The following FASN variants were observed in gnomAD, a reference collection of about 807,000 sequenced individuals.
The protein encoded by FASN is fatty acid synthase, also known as 3-hydroxyacyl-[acyl-carrier-protein] dehydratase.
In FASN, 50 loss-of-function variants were observed where a neutral mutation model predicts 250.0. That is an observed-to-expected ratio of 0.20 (90% CI 0.16 to 0.25). The LOEUF (loss-of-function observed/expected upper bound fraction) is 0.25. Among genes scored for constraint, FASN ranks in the 10% least tolerant of loss-of-function variants. The pLI is 1.00. For synonymous variants in FASN, 1,909 were observed against 1,584.0 expected (o/e 1.21, Z -4.87); for missense variants, 3,031 against 3,498.5 (o/e 0.87, Z 3.37).
At chr17:82,086,814 G>A (rs975765533) in intron 21 of FASN, among the ~76,000 whole-genome samples, 1 of 151,066 alleles carries the variant, frequency 6.6e-6, no homozygotes, top group Admixed American at 6.6e-5. Context: ...GGCTGAATCT[G>A]TCATCTTTGC....
intron 10 of FASN, 47 bp from the exon 11 acceptor site, chr17:82,090,611 G>C: frequency 6.5e-7 from 1 of 1,538,942 alleles, no homozygotes; most frequent in Non-Finnish European, 8.9e-7. Context: ...AGCAGGTGCA[G>C]CTGTTGGGGG....
At position 82,084,226 on chromosome 17, in the gene FASN, A is replaced by G. The variant is rs1568108212; in HGVS notation, c.4919+8T>C. 4.3e-6 allele frequency: 7 copies of G among 1,611,568 alleles called. No individual in the cohort carries two copies. In the South Asian group the frequency reaches 4.4e-5, roughly 10 times the overall value. The stretch of plus-strand genomic sequence containing the variant: ...TGGGGCCCAGGCTCACACCCTCGAC[A>G]CACTCACCAGTTGGAAGGCACATCC... On this transcript the variant is annotated splice_region_variant and intron_variant, in intron 28 of 42. Coordinates refer to ENST00000306749, the MANE Select transcript of FASN (RefSeq NM_004104.5).
chr17:82,084,674 A>G lies in FASN; in HGVS notation c.4607T>C (p.Leu1536Pro). 2 of 1,584,196 alleles carry G rather than the reference A, an allele frequency of 1.3e-6. No individual in the cohort carries two copies. Among genetic ancestry groups the G allele is most frequent in the East Asian group, 2.3e-5 (1 of 43,386 alleles). ...EPTAHAFVST[L>P]TRGDLSSIRW... ...GATGGAGGACAGGTCCCCCCGGGTGAGGGTGCTCACAAAGGCATGTGCCGT... is the reference window on the plus strand; with the variant it reads ...GATGGAGGACAGGTCCCCCCGGGTGGGGGTGCTCACAAAGGCATGTGCCGT... Residue 1536 changes from leucine (L) to proline (P), a missense_variant, in exon 27 of 43, where the codon CTC (leucine) becomes CCC (proline). Physicochemically the swap from Leu to Pro is moderately conservative, Grantham distance 98. Coordinates refer to ENST00000306749, the MANE Select transcript of FASN (RefSeq NM_004104.5).
At chr17:82,089,228 C>A in intron 13 of FASN, 22 bp downstream of exon 13, 1 of 1,611,666 alleles carries the variant, frequency 6.2e-7, no homozygotes, top group Non-Finnish European at 8.5e-7. Context: ...CGCCCCGCAC[C>A]CCCCAGGCCG....
At chr17:82,097,944 C>G (rs940898057) in intron 1 of FASN, among the ~76,000 whole-genome samples, 177 bp downstream of exon 1, 3 of 152,056 alleles carry the variant, frequency 2.0e-5, no homozygotes, top group Non-Finnish European at 4.4e-5. Context: ...GGGCCCCGGG[C>G]GCCTCCGAAG....
chr17:82,089,466 C>A, intron 12 of FASN, 82 bp from the exon 13 acceptor site: 1 of 1,608,128 alleles, frequency 6.2e-7, no homozygotes, highest in Non-Finnish European at 8.5e-7. Flanking sequence ...CCCACCTCAC[C>A]CCAAGGGAAC....
rs767485186 is a variant in FASN at position 82,079,426 on chromosome 17, C to T, written c.7329G>A (p.Val2443=). 3.1e-6 allele frequency: 5 copies of T among 1,612,980 alleles called. No homozygotes were observed. In the East Asian group the frequency reaches 8.9e-5, roughly 29 times the overall value. Residue 2443 remains valine (V), a synonymous_variant, in exon 42 of 43, where the codon GTG becomes GTA. Transcript: ENST00000306749. Reference sequence around the variant, plus strand: ...CACCCGTCTTGGCGCGCAGTAGCATCACGTTGCCATGGTACTTGGCCTTGG... The same window carrying T: ...CACCCGTCTTGGCGCGCAGTAGCATTACGTTGCCATGGTACTTGGCCTTGG... The part of the protein sequence containing the change: ...YTPKAKYHGN[V]MLLRAKTGGA...
chr17:82,087,109 G>A lies in FASN; in HGVS notation c.3368C>T (p.Thr1123Met), dbSNP rs760902072. Residue 1123 changes from threonine to methionine, a missense_variant, in exon 21 of 43, where the codon ACG (threonine) becomes ATG (methionine). Coordinates refer to ENST00000306749, the MANE Select transcript of FASN (RefSeq NM_004104.5). Reference sequence around the variant, plus strand: ...GCGCTCAGACAGGCACCCCTCCTCCGTGTGGGGAGTGAAGCAAAACTTCTC... The same window carrying A: ...GCGCTCAGACAGGCACCCCTCCTCCATGTGGGGAGTGAAGCAAAACTTCTC... ...ILEKFCFTPH[T>M]EEGCLSERAA... is the part of the protein sequence containing the mutation. 3.4e-5 allele frequency: 54 copies of A among 1,611,940 alleles called. No homozygotes were observed. Among genetic ancestry groups the A allele is most frequent in the Non-Finnish European group, 4.1e-5 (48 of 1,179,924 alleles).
chr17:82,087,884 G>C (rs187989023), intron 18 of FASN, 23 bp from the exon 19 acceptor site: 1 of 1,612,570 alleles, frequency 6.2e-7, no homozygotes, highest in Non-Finnish European at 8.5e-7. Context: ...AGGTGCGGAA[G>C]GGCCTGAGGA....
At position 82,091,526 on chromosome 17, in the gene FASN, C is replaced by T; in HGVS notation, c.1188G>A (p.Gly396=). The T allele has an allele frequency of 6.2e-7, 1 of 1,602,562 alleles. No homozygotes were observed. Among genetic ancestry groups the T allele is most frequent in the African/African-American group, 1.3e-5 (1 of 74,848 alleles). The change falls in exon 9 of 43, where the codon GGG becomes GGA. Residue 396 remains glycine, a synonymous_variant. Transcript: ENST00000306749. ...GNVGINSFGF[G]GSNVHIILRP... ...TCAGGATGATGTGCACGTTGGAGCCCCCGAAGCCAAAGGAGTTGATGCCCA... is the reference window on the plus strand; with the variant it reads ...TCAGGATGATGTGCACGTTGGAGCCTCCGAAGCCAAAGGAGTTGATGCCCA...
intron 19 of FASN, 73 bp from the exon 20 acceptor site, chr17:82,087,577 C>T: frequency 6.2e-7 from 1 of 1,601,242 alleles, no homozygotes. Flanking sequence ...CCACCGGGCC[C>T]CTCTGCTCCC....
chr17:82,088,357 AAG>A (rs1437532717), intron 16 of FASN, 31 bp downstream of exon 16: 2 of 1,610,956 alleles, frequency 1.2e-6, no homozygotes, highest in Non-Finnish European at 1.7e-6. Context: ...GTGGGGAGGG[AAG>A]AGTCTGCCCA....
rs1397450783 is a variant in FASN at position 82,092,871 on chromosome 17, CACCCCGGA to C, written c.778+18_778+25del. 6 of 1,591,798 alleles carry C rather than the reference CACCCCGGA, an allele frequency of 3.8e-6. No individual in the cohort carries two copies. The highest frequency in any genetic ancestry group is 5.1e-6 in the Non-Finnish European group (6 of 1,169,900). On this transcript the variant is annotated intron_variant, in intron 6 of 42. Transcript: ENST00000306749. Reference sequence around the variant, plus strand: ...GCCCCGGCTCCCACCTGCCCCCCAGCACCCCGGAACCCCGGCAGAGCCCACCTTGCTCC... The same window carrying C: ...GCCCCGGCTCCCACCTGCCCCCCAGCACCCCGGCAGAGCCCACCTTGCTCC...
rs551580639 is a variant in FASN, at chr17:82,090,975, T to C, written c.1587A>G (p.Pro529=). 3 of 1,612,916 alleles carry C rather than the reference T, an allele frequency of 1.9e-6. No homozygotes were observed. The South Asian group carries it at 3.3e-5, about 18-fold the overall frequency. Residue 529 remains proline, a synonymous_variant, in exon 10 of 43, where the codon CCA becomes CCG. Coordinates refer to ENST00000306749, the MANE Select transcript of FASN (RefSeq NM_004104.5). ...SILRSDEAVK[P]FGLKVSQLLL... is the part of the protein sequence containing the mutation. ...GCAGCTGTGACACCTTCAGGCCGAA[T>C]GGCTTCACAGCCTCATCGGAGCGTA...
intron 38 of FASN, 57 bp downstream of exon 38, chr17:82,081,107 G>A: frequency 6.5e-7 from 1 of 1,529,032 alleles, no homozygotes; most frequent in Non-Finnish European, 8.8e-7. Flanking sequence ...CAGACAACAA[G>A]GAGGAAGGGC....
intron 11 of FASN, 39 bp downstream of exon 11, chr17:82,090,336 C>G (rs1325247088): frequency 6.5e-7 from 1 of 1,549,156 alleles, no homozygotes; most frequent in African/African-American, 1.4e-5. Flanking sequence ...AGGCAGCCTC[C>G]TTTCTTGGAG....
In FASN at chr17:82,086,293, G is replaced by A. The variant is rs139409322; in HGVS notation, c.3693C>T (p.Ala1231=). The change falls in exon 22 of 43, where the codon GCC becomes GCT. Residue 1231 remains alanine, a synonymous_variant. Coordinates refer to ENST00000306749, the MANE Select transcript of FASN (RefSeq NM_004104.5). ...TCTTCAGGCTGGGCATGTTCTCCAC[G>A]GCAGTGTCCAGGCAGGCCTTGAGTG... ...SPALKACLDT[A]VENMPSLKMK... is the part of the protein sequence containing the mutation. The A allele has an allele frequency of 2.0e-5, 32 of 1,592,592 alleles. No homozygotes were observed. Among genetic ancestry groups the A allele is most frequent in the African/African-American group, 9.4e-5 (7 of 74,792 alleles).
intron 3 of FASN, chr17:82,094,010 A>G: frequency 1.7e-6 from 1 of 596,788 alleles, no homozygotes; most frequent in East Asian, 2.9e-5. Flanking sequence ...GAACCAGGTC[A>G]CAGAGGGAAC....
At position 82,080,146 on chromosome 17, in the gene FASN, G is replaced by A. The variant is rs1175441521; in HGVS notation, c.7140C>T (p.His2380=). Residue 2380 remains histidine, a synonymous_variant, in exon 41 of 43, where the codon CAC becomes CAT. Coordinates refer to ENST00000306749, the MANE Select transcript of FASN (RefSeq NM_004104.5). Reference sequence around the variant, plus strand: ...AGGGGTGTCCAGGACCCACCCTGTTGTGCTCCATGTCCGTGAACTGCTGCA... The same window carrying A: ...AGGGGTGTCCAGGACCCACCCTGTTATGCTCCATGTCCGTGAACTGCTGCA... ...FFVQQFTDME[H]NRVLEALLPL... The A allele has an allele frequency of 6.2e-7, 1 of 1,613,110 alleles. No homozygotes were observed.
Sources: gnomAD v4.1 joint callset for allele counts (sites outside exome capture counted in the v4.1 genomes callset) on GRCh38, gnomAD v4.1.1 for gene constraint, MANE v1.5 for transcripts, NCBI Gene and HGNC (gene_info 2026-07-23, HGNC 2026-07-21) for gene names.